ASXL3: variants seen among roughly 807,000 people sequenced by gnomAD.
ASXL3 encodes the protein ASXL transcriptional regulator 3, also known as putative Polycomb group protein ASXL3.
A neutral mutation model predicts 170.6 loss-of-function variants in ASXL3; 34 were observed. That is an observed-to-expected ratio of 0.20 (90% confidence interval 0.15 to 0.27). The LOEUF (loss-of-function observed/expected upper bound fraction) is 0.27. Ranked by LOEUF, ASXL3 falls within the 10% of genes least tolerant of loss-of-function variation. The probability of loss-of-function intolerance (pLI) is 1.00; values close to 1 mark genes in which losing one functional copy is unlikely to be tolerated. For synonymous variants in ASXL3, 1,002 were observed against 989.1 expected, an observed-to-expected ratio of 1.01 and a Z score of -0.24; for missense variants, 2,592 against 2,695.3, an observed-to-expected ratio of 0.96 and a Z score of 0.85.
intron 1 of ASXL3, among the ~76,000 whole-genome samples, chr18:33,583,772 A>G (rs1179343952): frequency 3.3e-5 from 5 of 152,172 alleles, no homozygotes; most frequent in African/African-American, 1.2e-4. Flanking sequence ...CTGGAAGGGA[A>G]TTTCACCACA....
intron 2 of ASXL3, among the ~76,000 whole-genome samples, chr18:33,629,956 T>G (rs2065653594): frequency 6.6e-6 from 1 of 152,014 alleles, no homozygotes; most frequent in African/African-American, 2.4e-5. Context: ...ACCTTTATTT[T>G]ACTGGTTTTA....
intron 2 of ASXL3, among the ~76,000 whole-genome samples, chr18:33,640,779 G>T (rs1258712721): frequency 7.9e-5 from 12 of 151,762 alleles, no homozygotes; most frequent in Non-Finnish European, 8.8e-5. Flanking sequence ...GCATATAATT[G>T]TTTATATTAA....
chr18:33,635,956 A>G (rs960816101), intron 2 of ASXL3, among the ~76,000 whole-genome samples: 2 of 152,252 alleles, frequency 1.3e-5, no homozygotes, highest in South Asian at 2.1e-4. Flanking sequence ...AAATATGTCT[A>G]TCTCCTGTGG....
intron 5 of ASXL3, among the ~76,000 whole-genome samples, chr18:33,667,429 AT>A (rs796348493): frequency 1.3e-3 from 203 of 152,302 alleles, no homozygotes; most frequent in African/African-American, 4.6e-3. Flanking sequence ...CTCGAATCTA[AT>A]TTATAAAGCC....
At chr18:33,732,317 G>T (rs781478563) in intron 9 of ASXL3, among the ~76,000 whole-genome samples, 38 of 152,058 alleles carry the variant, frequency 2.5e-4, no homozygotes, top group Non-Finnish European at 4.3e-4. Flanking sequence ...ATTTTCTTGC[G>T]GATGGTAATT....
chr18:33,641,215 AG>A (rs977113843), intron 2 of ASXL3, among the ~76,000 whole-genome samples: 4 of 152,094 alleles, frequency 2.6e-5, no homozygotes, highest in Non-Finnish European at 4.4e-5. Flanking sequence ...GATAATATAA[AG>A]CAATAGTTTT....
At chr18:33,603,626 A>G (rs1444624620) in intron 1 of ASXL3, among the ~76,000 whole-genome samples, 3 of 151,994 alleles carry the variant, frequency 2.0e-5, no homozygotes, top group Non-Finnish European at 4.4e-5. Context: ...ATCCACCACT[A>G]GGAAGGCAGC....
chr18:33,630,244 T>C (rs1344006597), intron 2 of ASXL3, among the ~76,000 whole-genome samples: 1 of 152,028 alleles, frequency 6.6e-6, no homozygotes, highest in Non-Finnish European at 1.5e-5. Context: ...TAAGAGGACT[T>C]ACTTTGAAAT....
chr18:33,654,549 TAACCTTG>T (rs1157081859), intron 4 of ASXL3, among the ~76,000 whole-genome samples: 4 of 152,068 alleles, frequency 2.6e-5, no homozygotes, highest in African/African-American at 7.2e-5. Context: ...ATGAAACACT[TAACCTTG>T]ACCTGTGCCA....
chr18:33,658,673 G>A (rs188983161), intron 4 of ASXL3, among the ~76,000 whole-genome samples: 159 of 152,034 alleles, frequency 1.0e-3, no homozygotes, highest in Non-Finnish European at 1.5e-3. Context: ...TAGTTATTGT[G>A]TCAGTAAATA....
chr18:33,739,458 C>G lies in ASXL3; in HGVS notation c.2054C>G (p.Thr685Ser), dbSNP rs1392544912. Residue 685 changes from threonine (T) to serine (S), a missense_variant, in exon 11 of 12, where the codon ACT (threonine) becomes AGT (serine). Coordinates refer to ENST00000269197, the MANE Select transcript of ASXL3 (RefSeq NM_030632.3). ...ATGTCAGAAATATCTCCAATATCCA[C>G]TTCACCTGAAATATCAGAAGCATCT... ...SLMSEISPIS[T>S]SPEISEASLM... 6.2e-7 allele frequency: 1 copy of G among 1,613,990 alleles called. No homozygotes were observed. Among genetic ancestry groups the G allele is most frequent in the South Asian group, 1.1e-5 (1 of 91,082 alleles).
At chr18:33,713,697 G>A (rs999916264) in intron 8 of ASXL3, among the ~76,000 whole-genome samples, 3 of 152,188 alleles carry the variant, frequency 2.0e-5, no homozygotes, top group African/African-American at 7.2e-5. Context: ...TAGGCCATCT[G>A]GATAACTGCA....
rs575665665 is a variant in ASXL3 at position 33,591,022 on chromosome 18, G to A, written c.54+12337G>A. Among the ~76,000 whole-genome samples, 8 of 152,194 alleles carry A rather than the reference G, an allele frequency of 5.3e-5. No individual in the cohort carries two copies. In the South Asian group the frequency reaches 8.3e-4, roughly 16 times the overall value. ...AATCCTTAGATGATATTAACTTACC[G>A]AAGAGAACAAATGTTTCTTCTCCAT... On this transcript the variant is annotated intron_variant, in intron 1 of 11. Transcript: ENST00000269197.
intron 8 of ASXL3, among the ~76,000 whole-genome samples, chr18:33,731,120 C>T (rs1183529931): frequency 1.3e-5 from 2 of 152,044 alleles, no homozygotes; most frequent in Admixed American, 6.6e-5. Flanking sequence ...TGAACTGAAA[C>T]ATGCATGAAG....
At chr18:33,629,844 T>C (rs1292875241) in intron 2 of ASXL3, among the ~76,000 whole-genome samples, 1 of 152,094 alleles carries the variant, frequency 6.6e-6, no homozygotes, top group Non-Finnish European at 1.5e-5. Context: ...GCTTGTGGAA[T>C]TTATTAATAT....
chr18:33,613,502 A>C (rs754403470), intron 2 of ASXL3, among the ~76,000 whole-genome samples: 2 of 152,118 alleles, frequency 1.3e-5, no homozygotes, highest in Non-Finnish European at 2.9e-5. Flanking sequence ...AGAATATTGC[A>C]AAAAAGGGAG....
chr18:33,616,180 T>C (rs2065419299), intron 2 of ASXL3, among the ~76,000 whole-genome samples: 1 of 152,098 alleles, frequency 6.6e-6, no homozygotes, highest in African/African-American at 2.4e-5. Flanking sequence ...TAGAAAATCA[T>C]TATGTGAAAT....
chr18:33,662,178 C>A (rs1599461812), intron 5 of ASXL3, among the ~76,000 whole-genome samples: 1 of 152,238 alleles, frequency 6.6e-6, no homozygotes, highest in Middle Eastern at 3.4e-3. Flanking sequence ...TTACTTATAT[C>A]TGGAATATTC....
At chr18:33,664,386 A>G (rs2066223850) in intron 5 of ASXL3, among the ~76,000 whole-genome samples, 1 of 152,192 alleles carries the variant, frequency 6.6e-6, no homozygotes, top group Non-Finnish European at 1.5e-5. Context: ...TAGCATATGG[A>G]AAGCAATACA....
Sources: allele counts gnomAD v4.1 joint callset (sites outside exome capture counted in the v4.1 genomes callset), GRCh38; gene constraint gnomAD v4.1.1; transcripts MANE v1.5; gene names NCBI Gene and HGNC (gene_info 2026-07-23, HGNC 2026-07-21).